Variants in GCNT4 observed in about 807,000 individuals in gnomAD.
GCNT4 encodes the protein glucosaminyl (N-acetyl) transferase 4, also known as beta-1,3-galactosyl-O-glycosyl-glycoprotein beta-1,6-N-acetylglucosaminyltransferase 4.
Under a neutral mutation model 31.3 loss-of-function variants are expected in GCNT4, and 17 were observed. The ratio of observed to expected loss-of-function variants is 0.54; its 90% CI spans 0.37 to 0.81. GCNT4 has a LOEUF of 0.81. Ranked by LOEUF, GCNT4 falls within the 40% of genes least tolerant of loss-of-function variation. GCNT4 has a pLI of 0.00. For synonymous variants in GCNT4, 158 were observed against 190.6 expected (o/e 0.83, Z 1.41); for missense variants, 503 against 525.5 (o/e 0.96, Z 0.42).
At chr5:75,024,950 C>CAAAAAAAAAAAA, downstream of GCNT4, among the ~76,000 whole-genome samples, 1 of 40,538 alleles carries the variant, frequency 2.5e-5, no homozygotes, top group African/African-American at 9.0e-5. Context: ...GACTCCATCT[C>CAAAAAAAAAAAA]AAAAAAAAAA....
the GCNT4 span, among the ~76,000 whole-genome samples, chr5:75,018,918 C>T: frequency 4.1e-4 from 63 of 152,162 alleles, no homozygotes; most frequent in South Asian, 2.1e-3. Context: ...GGGAGGATGA[C>T]GAGAGAGAGG....
chr5:75,053,599 T>G (rs1368342447), upstream of GCNT4, among the ~76,000 whole-genome samples: 1 of 151,956 alleles, frequency 6.6e-6, no homozygotes, highest in Non-Finnish European at 1.5e-5. Context: ...CGCTCTGGGT[T>G]CCCAGGCTCT....
chr5:75,048,943 G>A (rs549285444), intron 2 of GCNT4, among the ~76,000 whole-genome samples: 2 of 152,272 alleles, frequency 1.3e-5, no homozygotes, highest in Admixed American at 6.5e-5. Context: ...TGAGCCTCAC[G>A]GGTTCCCAGG....
intron 3 of GCNT4, among the ~76,000 whole-genome samples, chr5:75,046,555 T>G (rs755379639): frequency 4.6e-5 from 7 of 152,072 alleles, no homozygotes; most frequent in Non-Finnish European, 8.8e-5. Context: ...TGCAGACTCT[T>G]TGGAAACAGG....
upstream of GCNT4, chr5:75,052,858 G>C (rs1245323694): frequency 6.5e-6 from 1 of 152,730 alleles, no homozygotes; most frequent in East Asian, 1.9e-4. Flanking sequence ...TAGCTCCCCC[G>C]GGCCCCCTGC....
Position 75,029,332 on chromosome 5 carries a change from T to C in GCNT4, c.706A>G (p.Asn236Asp). 6.2e-7 allele frequency: 1 copy of C among 1,614,164 alleles called. No homozygotes were observed. The change falls in exon 4 of 4, where the codon AAT becomes GAT. Residue 236 changes from asparagine to aspartate, a missense_variant. Asn to Asp is a conservative substitution (Grantham distance 23). Coordinates refer to ENST00000652361, the MANE Select transcript of GCNT4 (RefSeq NM_001366737.1). Reference protein sequence around the residue: ...LCGQDFPLKSNFELVSELKKL... With the variant: ...LCGQDFPLKSDFELVSELKKL... ...TTCAACTCTGACACCAATTCAAAAT[T>C]TGACTTCAGGGGAAAATCTTGCCCA...
At position 75,027,899 on chromosome 5, in the gene GCNT4, GA is replaced by G. The variant is rs1433701099; in HGVS notation, c.*776del. 1.3e-5 allele frequency: 2 copies of G among 152,296 alleles called. No individual in the cohort carries two copies. The highest frequency in any genetic ancestry group is 2.9e-5 in the Non-Finnish European group (2 of 68,014). The allele number at this position is 152,296 out of a possible 1,614,324, so 9.4% of individuals were successfully genotyped here. A position where few individuals can be genotyped will look rare whatever the true frequency, so the allele number is the denominator to read the frequency against. Reference sequence around the variant, plus strand: ...TTTTAATCAGTAAATGCATTTTAAAGAAACAGTTGAACTAAAAAGGAGGCCA... The same window carrying G: ...TTTTAATCAGTAAATGCATTTTAAAGAACAGTTGAACTAAAAAGGAGGCCA... On this transcript the variant is annotated 3_prime_UTR_variant, in exon 4 of 4. Coordinates refer to ENST00000652361, the MANE Select transcript of GCNT4 (RefSeq NM_001366737.1).
chr5:75,020,400 T>C (rs1742868203), downstream of GCNT4, among the ~76,000 whole-genome samples: 1 of 152,116 alleles, frequency 6.6e-6, no homozygotes, highest in Non-Finnish European at 1.5e-5. Flanking sequence ...AACTGGCTTG[T>C]GCCCAGAGGG....
intron 3 of GCNT4, chr5:75,030,956 A>G (rs1000333573): frequency 1.8e-5 from 3 of 166,832 alleles, no homozygotes; most frequent in African/African-American, 7.2e-5. Flanking sequence ...CTGCATGTAC[A>G]TGCCAATGGG....
the GCNT4 span, among the ~76,000 whole-genome samples, chr5:75,020,266 T>TGGCATGGC: frequency 6.6e-6 from 1 of 152,196 alleles, no homozygotes; most frequent in South Asian, 2.1e-4. Context: ...GGGCTCAGTT[T>TGGCATGGC]GGCATGGCAC....
chr5:75,046,441 T>G (rs1202278261), intron 3 of GCNT4, among the ~76,000 whole-genome samples: 1 of 152,220 alleles, frequency 6.6e-6, no homozygotes, highest in Non-Finnish European at 1.5e-5. Context: ...GTGTTGTTCC[T>G]TCTGGTCCTG....
At chr5:75,041,248 C>T (rs781033839) in intron 3 of GCNT4, among the ~76,000 whole-genome samples, 9 of 152,026 alleles carry the variant, frequency 5.9e-5, no homozygotes, top group Admixed American at 2.0e-4. Context: ...AATACACAAA[C>T]ACACCCTCAC....
downstream of GCNT4, among the ~76,000 whole-genome samples, chr5:75,024,324 A>G (rs1319805888): frequency 6.6e-6 from 1 of 152,162 alleles, no homozygotes; most frequent in Non-Finnish European, 1.5e-5. Flanking sequence ...CCAGCTTGGT[A>G]AGAGCTAGAA....
chr5:75,040,924 A>T (rs1412802612), intron 3 of GCNT4, among the ~76,000 whole-genome samples: 1 of 140,730 alleles, frequency 7.1e-6, no homozygotes, highest in Non-Finnish European at 1.5e-5. Flanking sequence ...AGACAGGAAG[A>T]AATGTAGTTA....
chr5:75,017,661 C>G, the GCNT4 span: 1 of 152,176 alleles, frequency 6.6e-6, no homozygotes, highest in Non-Finnish European at 1.5e-5. Flanking sequence ...TGAGGGACAG[C>G]GAAGGGAGGC....
Position 75,028,547 on chromosome 5 carries a change from T to C in GCNT4, c.*129A>G, listed in dbSNP as rs1742994881. On this transcript the variant is annotated 3_prime_UTR_variant, in exon 4 of 4. Coordinates refer to ENST00000652361, the MANE Select transcript of GCNT4 (RefSeq NM_001366737.1). ...AAAGGCTAGATCACTTTCCCTTGTG[T>C]ATGGAATTTTGGACACCTTTTAAAA... 1.2e-6 allele frequency: 1 copy of C among 836,282 alleles called. No individual in the cohort carries two copies. Among genetic ancestry groups the C allele is most frequent in the African/African-American group, 1.7e-5 (1 of 57,780 alleles). 51.8% of individuals were successfully genotyped at this position (836,282 alleles called of 1,614,324 possible).
Position 75,028,238 on chromosome 5 carries a change from C to CA in GCNT4, c.*437_*438insT. The CA allele has an allele frequency of 1.2e-5, 2 of 160,944 alleles. No homozygotes were observed. Among genetic ancestry groups the CA allele is most frequent in the East Asian group, 1.8e-4 (1 of 5,424 alleles). The allele number at this position is 160,944 out of a possible 1,614,324, so 10.0% of individuals were successfully genotyped here. A position where few individuals can be genotyped will look rare whatever the true frequency, so the allele number is the denominator to read the frequency against. On this transcript the variant is annotated 3_prime_UTR_variant, in exon 4 of 4. Coordinates refer to ENST00000652361, the MANE Select transcript of GCNT4 (RefSeq NM_001366737.1). ...GACAAGTGGAGTGTTGGTCACAGTACTTAAACACTACTCTGAAATGGGTGG... is the reference window on the plus strand; with the variant it reads ...GACAAGTGGAGTGTTGGTCACAGTACATTAAACACTACTCTGAAATGGGTGG...
chr5:75,039,330 G>A (rs538296115), intron 3 of GCNT4, among the ~76,000 whole-genome samples: 11 of 152,132 alleles, frequency 7.2e-5, no homozygotes, highest in Non-Finnish European at 1.0e-4. Context: ...TTGACCTCAG[G>A]TGATCCACTT....
At chr5:75,023,686 A>G (rs895095869), downstream of GCNT4, 40 of 152,370 alleles carry the variant, frequency 2.6e-4, no homozygotes, top group African/African-American at 9.4e-4. Context: ...GTGTATGTAG[A>G]TAAGAGCATT....
Sources: gnomAD v4.1 joint callset for allele counts (sites outside exome capture counted in the v4.1 genomes callset) on GRCh38, gnomAD v4.1.1 for gene constraint, MANE v1.5 for transcripts, NCBI Gene and HGNC (gene_info 2026-07-23, HGNC 2026-07-21) for gene names.